Variants in NRXN3 observed in about 807,000 individuals in gnomAD.
The protein encoded by NRXN3 is neurexin 3, also known as neurexin III.
NRXN3 carries 32 observed loss-of-function variants against 137.6 expected under a neutral mutation model. That is an observed-to-expected ratio of 0.23 (90% CI 0.18 to 0.31). NRXN3 has a LOEUF of 0.31. Among genes scored for constraint, NRXN3 ranks in the 10% least tolerant of loss-of-function variants. The pLI is 1.00. For missense variants in NRXN3, 1,574 were observed against 2,062.5 expected (o/e 0.76, Z 4.59); for synonymous variants, 798 against 784.5 (o/e 1.02, Z -0.29).
At chr14:78,479,477 G>C (rs1011137190) in intron 4 of NRXN3, among the ~76,000 whole-genome samples, 1 of 152,184 alleles carries the variant, frequency 6.6e-6, no homozygotes, top group Non-Finnish European at 1.5e-5. Flanking sequence ...CACAGTTTAA[G>C]AAACGTTGAT....
At chr14:79,738,911 C>T (rs1317651524) in intron 19 of NRXN3, among the ~76,000 whole-genome samples, 5 of 152,150 alleles carry the variant, frequency 3.3e-5, no homozygotes, top group Admixed American at 3.3e-4. Context: ...ATAGCAGCCA[C>T]AGGAAACTAA....
chr14:78,726,515 CTTTTTTT>C (rs71452901), intron 8 of NRXN3, among the ~76,000 whole-genome samples: 1 of 102,456 alleles, frequency 9.8e-6, no homozygotes, highest in Non-Finnish European at 1.8e-5. Context: ...ACCATTTTAG[CTTTTTTT>C]TTTTTTTTTT....
intron 4 of NRXN3, among the ~76,000 whole-genome samples, chr14:78,572,176 A>G (rs2096895905): frequency 1.3e-5 from 2 of 152,204 alleles, no homozygotes; most frequent in South Asian, 4.1e-4. Context: ...TGGTGTTTCT[A>G]CTGACATGAT....
At chr14:79,408,010 A>T (rs971619146) in intron 15 of NRXN3, among the ~76,000 whole-genome samples, 2 of 152,176 alleles carry the variant, frequency 1.3e-5, no homozygotes, top group African/African-American at 4.8e-5. Context: ...CTAGGAATAT[A>T]ATTCGGGATT....
intron 8 of NRXN3, among the ~76,000 whole-genome samples, chr14:78,778,581 T>G (rs1567283656): frequency 6.6e-6 from 1 of 152,114 alleles, no homozygotes; most frequent in East Asian, 1.9e-4. Context: ...TGTTTCTTCT[T>G]AAAAAACTAT....
intron 15 of NRXN3, among the ~76,000 whole-genome samples, chr14:79,111,959 G>A (rs983097928): frequency 2.0e-5 from 3 of 152,122 alleles, no homozygotes; most frequent in Non-Finnish European, 2.9e-5. Flanking sequence ...AATCCAGTAT[G>A]TGCATGACTA....
chr14:79,051,250 G>A (rs1031020209), intron 15 of NRXN3, among the ~76,000 whole-genome samples: 1 of 152,100 alleles, frequency 6.6e-6, no homozygotes, highest in African/African-American at 2.4e-5. Flanking sequence ...CCTCAATGAT[G>A]AAAACCTATG....
At chr14:79,043,708 G>A (rs907246176) in intron 15 of NRXN3, among the ~76,000 whole-genome samples, 3 of 152,218 alleles carry the variant, frequency 2.0e-5, no homozygotes, top group African/African-American at 7.2e-5. Flanking sequence ...GGTTCTTTTT[G>A]AGTGTACACT....
intron 15 of NRXN3, among the ~76,000 whole-genome samples, chr14:79,315,916 T>C (rs1248279333): frequency 6.6e-6 from 1 of 152,220 alleles, no homozygotes; most frequent in East Asian, 1.9e-4. Context: ...GAGCGAGATA[T>C]GGCCCTTTGG....
chr14:78,780,599 T>C (rs2098765638), intron 8 of NRXN3, among the ~76,000 whole-genome samples: 1 of 152,038 alleles, frequency 6.6e-6, no homozygotes, highest in South Asian at 2.1e-4. Context: ...CTACATGTGA[T>C]CAAGAGAAAG....
chr14:79,236,375 AT>A (rs1319125775), intron 15 of NRXN3, among the ~76,000 whole-genome samples: 3 of 152,130 alleles, frequency 2.0e-5, no homozygotes, highest in African/African-American at 7.2e-5. Flanking sequence ...ACATTTATGT[AT>A]ATGTATGTAT....
At chr14:78,619,553 G>T (rs2097378679) in intron 4 of NRXN3, among the ~76,000 whole-genome samples, 1 of 152,126 alleles carries the variant, frequency 6.6e-6, no homozygotes, top group Non-Finnish European at 1.5e-5. Context: ...GGAGAGACCA[G>T]GTGGAGGTAA....
chr14:78,878,737 G>A (rs901044815), intron 10 of NRXN3, among the ~76,000 whole-genome samples: 3 of 151,994 alleles, frequency 2.0e-5, no homozygotes, highest in African/African-American at 7.3e-5. Context: ...CAATTTTCAA[G>A]TATAAAATAC....
chr14:79,401,845 G>A (rs1258290038), intron 15 of NRXN3, among the ~76,000 whole-genome samples: 22 of 144,552 alleles, frequency 1.5e-4, no homozygotes. Flanking sequence ...AGTTTTCCTG[G>A]TAATGAAAAA....
intron 15 of NRXN3, among the ~76,000 whole-genome samples, chr14:79,106,031 A>G (rs2052370062): frequency 1.3e-5 from 2 of 152,030 alleles, no homozygotes; most frequent in Non-Finnish European, 2.9e-5. Context: ...AACAATTAAC[A>G]TATATTGGGT....
rs1383828743 is a variant in NRXN3 at position 78,780,842 on chromosome 14, T to A, written c.2045-22778T>A. Among the ~76,000 whole-genome samples the A allele has an allele frequency of 5.3e-5, 8 of 152,192 alleles. No homozygotes were observed. In the East Asian group the frequency reaches 1.5e-3, roughly 29 times the overall value. On this transcript the variant is annotated intron_variant, in intron 8 of 20. Transcript: ENST00000335750. ...GGGAGGAGAACTAAGAGCTCTCATA[T>A]CTTAAAGAGTGGGAATGTGAATTGA...
chr14:78,387,780 T>G (rs768167215), intron 4 of NRXN3, among the ~76,000 whole-genome samples: 3 of 152,224 alleles, frequency 2.0e-5, no homozygotes, highest in Non-Finnish European at 4.4e-5. Context: ...AGTGACTGCC[T>G]TCTTTCCTAT....
At chr14:78,209,001 A>T (rs537306939) in intron 1 of NRXN3, among the ~76,000 whole-genome samples, 20 of 152,318 alleles carry the variant, frequency 1.3e-4, no homozygotes, top group Non-Finnish European at 7.4e-5. Flanking sequence ...CTCAACACTC[A>T]TCATCCCACT....
chr14:79,716,858 G>A (rs1033533099), intron 19 of NRXN3, among the ~76,000 whole-genome samples: 1 of 152,138 alleles, frequency 6.6e-6, no homozygotes, highest in Non-Finnish European at 1.5e-5. Context: ...CGTTATCATT[G>A]TTGTAATTAT....
Sources: allele counts gnomAD v4.1 joint callset (sites outside exome capture counted in the v4.1 genomes callset), GRCh38; gene constraint gnomAD v4.1.1; transcripts MANE v1.5; gene names NCBI Gene and HGNC (gene_info 2026-07-23, HGNC 2026-07-21).